TCF25: variants seen among roughly 807,000 people sequenced by gnomAD.
TCF25 encodes the protein TCF25 ribosome quality control complex subunit.
A neutral mutation model predicts 83.1 loss-of-function variants in TCF25; 41 were observed. That is an observed-to-expected ratio of 0.49 (90% CI 0.38 to 0.64). The LOEUF is 0.64. Among genes scored for constraint, TCF25 ranks in the 30% least tolerant of loss-of-function variants. The probability of loss-of-function intolerance (pLI) is 0.00; values close to 1 mark genes in which losing one functional copy is unlikely to be tolerated. For synonymous variants in TCF25, 458 were observed against 365.0 expected, an observed-to-expected ratio of 1.25 and a Z score of -2.90; for missense variants, 979 against 914.5, an observed-to-expected ratio of 1.07 and a Z score of -0.91.
At chr16:89,885,817 G>C in intron 3 of TCF25, 31 bp from the exon 4 acceptor site, 1 of 1,499,512 alleles carries the variant, frequency 6.7e-7, no homozygotes, top group South Asian at 1.1e-5. Context: ...ATGTCAGTGT[G>C]GTGATTAAGA....
intron 12 of TCF25, among the ~76,000 whole-genome samples, chr16:89,902,625 C>T (rs1235190148): frequency 6.8e-6 from 1 of 146,510 alleles, no homozygotes; most frequent in African/African-American, 2.5e-5. Context: ...GGAGGCAGAG[C>T]TTGCAGTGAG....
In TCF25 at chr16:89,900,649, G is replaced by A; in HGVS notation, c.1236G>A (p.Leu412=). 1 of 1,595,288 alleles carries A rather than the reference G, an allele frequency of 6.3e-7. No individual in the cohort carries two copies. Among genetic ancestry groups the A allele is most frequent in the African/African-American group, 1.3e-5 (1 of 74,756 alleles). The change falls in exon 12 of 18, where the codon CTG becomes CTA. Residue 412 remains leucine, a synonymous_variant. Transcript: ENST00000263346. ...LFQEWEAHRN[L]SQLPNFAFSV... ...GTCCCTCGTAGGCTCATCGGAACCT[G>A]TCCCAGCTCCCTAATTTTGCCTTCT...
In TCF25 at chr16:89,885,923, G is replaced by T. The variant is rs768566091; in HGVS notation, c.505G>T (p.Ala169Ser). ...CACTGGGTTGAACCGTCCCGGCCCA[G>T]CTCCCCTGAGCTCCAGGAAGCACGT... ...DSTGLNRPGP[A>S]PLSSRKHVLY... Residue 169 changes from alanine (A) to serine (S), a missense_variant, in exon 4 of 18, where the codon GCT (alanine) becomes TCT (serine). By Grantham distance (99) the Ala-to-Ser change is moderately conservative (BLOSUM62 1). Coordinates refer to ENST00000263346, the MANE Select transcript of TCF25 (RefSeq NM_014972.3). 6.2e-7 allele frequency: 1 copy of T among 1,613,836 alleles called. No individual in the cohort carries two copies.
intron 11 of TCF25, among the ~76,000 whole-genome samples, chr16:89,900,328 C>T (rs537127667): frequency 1.1e-4 from 15 of 139,230 alleles, no homozygotes; most frequent in Non-Finnish European, 2.1e-4. Context: ...ACATTGAGAG[C>T]ACCAACTGCT....
At chr16:89,903,604 A>G (rs534412860) in intron 12 of TCF25, among the ~76,000 whole-genome samples, 7 of 152,000 alleles carry the variant, frequency 4.6e-5, no homozygotes, top group Non-Finnish European at 1.0e-4. Context: ...TCAAGAGTTC[A>G]AGACCAGCCT....
rs144798392 is a variant in TCF25, at chr16:89,907,290, G to A, written c.1767G>A (p.Ser589=). The A allele has an allele frequency of 1.4e-5, 22 of 1,607,748 alleles. No homozygotes were observed. Among genetic ancestry groups the A allele is most frequent in the Middle Eastern group, 1.6e-4 (1 of 6,066 alleles). Residue 589 remains serine (S), a synonymous_variant, in exon 16 of 18, where the codon TCG becomes TCA. Coordinates refer to ENST00000263346, the MANE Select transcript of TCF25 (RefSeq NM_014972.3). ...TGGGGTTTGATCCTCTGCCTCCTTC[G>A]GACACAATCTACTCCTACGTCAGGC... ...SVMGFDPLPP[S]DTIYSYVRPE...
intron 11 of TCF25, among the ~76,000 whole-genome samples, chr16:89,899,936 T>C (rs1214984339): frequency 2.0e-5 from 3 of 152,146 alleles, no homozygotes; most frequent in African/African-American, 7.2e-5. Context: ...GTGGGTAAAT[T>C]ATTTTGAATT....
At chr16:89,895,550 T>C (rs1334201818) in intron 8 of TCF25, among the ~76,000 whole-genome samples, 1 of 152,230 alleles carries the variant, frequency 6.6e-6, no homozygotes, top group Non-Finnish European at 1.5e-5. Context: ...TCATCCTCAC[T>C]GTAGCGTCGA....
intron 1 of TCF25, among the ~76,000 whole-genome samples, chr16:89,876,927 T>TC (rs2042235857): frequency 1.5e-5 from 1 of 68,012 alleles, no homozygotes; most frequent in Non-Finnish European, 2.6e-5. Context: ...AGACTCCATC[T>TC]AAAAAAAAAA....
intron 1 of TCF25, chr16:89,878,486 CT>C: frequency 9.8e-6 from 12 of 1,228,378 alleles, no homozygotes; most frequent in Non-Finnish European, 1.2e-5. Flanking sequence ...TCCTCTCCCC[CT>C]AAAAAAAGAT....
intron 5 of TCF25, 56 bp from the exon 6 acceptor site, chr16:89,892,137 C>T: frequency 6.6e-7 from 1 of 1,505,412 alleles, no homozygotes; most frequent in South Asian, 1.3e-5. Flanking sequence ...GCAGCCAAGC[C>T]TTGGTCCCCA....
In TCF25 at chr16:89,900,227, G is replaced by A. The variant is rs576672546; in HGVS notation, c.1222-408G>A. Among the ~76,000 whole-genome samples, 235 of 151,130 alleles carry A rather than the reference G, an allele frequency of 1.6e-3. 2 individuals are homozygous for A. Among genetic ancestry groups the A allele is most frequent in the African/African-American group, 5.5e-3 (228 of 41,436 alleles). On this transcript the variant is annotated intron_variant, in intron 11 of 17. Coordinates refer to ENST00000263346, the MANE Select transcript of TCF25 (RefSeq NM_014972.3). ...ACGGTGGTAGACTGCTCGGAAACTC[G>A]CGTGGCGGGCTGCTCTCGGAAACTC...
chr16:89,908,550 CTTCCAGTTCCCACCTCTTTCCTCGCAGT>C (rs2045214543), intron 16 of TCF25, among the ~76,000 whole-genome samples: 2 of 137,142 alleles, frequency 1.5e-5, no homozygotes, highest in Non-Finnish European at 3.2e-5. Flanking sequence ...CTCCTCCCAC[CTTCCAGTTCCCACCTCTTTCCTCGCAGT>C]TCCCACCTCC....
chr16:89,892,738 A>AGTGT lies in TCF25; in HGVS notation c.697+464_697+467dup, dbSNP rs781404433. 2.2e-4 allele frequency among the ~76,000 whole-genome samples: 33 copies of AGTGT among 152,282 alleles called. No individual in the cohort carries two copies. In the Middle Eastern group the frequency reaches 0.014, roughly 63 times the overall value. ...ATTGCAACAGTGAAGACAGGCATGG[A>AGTGT]GTGTTGGGTGCTTGGTTGTGTGGTG... is the stretch of plus-strand genomic sequence containing the variant. On this transcript the variant is annotated intron_variant, in intron 6 of 17. Coordinates refer to ENST00000263346, the MANE Select transcript of TCF25 (RefSeq NM_014972.3).
Position 89,881,763 on chromosome 16 carries a change from T to G in TCF25, c.193-1588T>G, listed in dbSNP as rs748767101. Among the ~76,000 whole-genome samples the G allele has an allele frequency of 2.0e-5, 3 of 152,146 alleles. No individual in the cohort carries two copies. The East Asian group carries it at 5.8e-4, about 29-fold the overall frequency. On this transcript the variant is annotated intron_variant, in intron 1 of 17. Transcript: ENST00000263346. ...CCCAATCTGTTAGCCTCTTTTTTTT[T>G]TGTTTTCTTGAAATGGAATCTCGCC... is the stretch of plus-strand genomic sequence containing the variant.
At chr16:89,892,065 A>C (rs1597323936) in intron 5 of TCF25, 128 bp from the exon 6 acceptor site, 1 of 822,714 alleles carries the variant, frequency 1.2e-6, no homozygotes, top group East Asian at 3.1e-5. Context: ...ATGCGTCCCC[A>C]CCCTGCCCCA....
chr16:89,884,482 G>A lies in TCF25; in HGVS notation c.355-100G>A, dbSNP rs569404722. ...TTTTGGGACACGGAGGGAGAGGTAG[G>A]GGCTGCTTAGGTGAGGGTGGAGTCA... On this transcript the variant is annotated intron_variant, in intron 2 of 17. Transcript: ENST00000263346. 2.5e-4 allele frequency: 309 copies of A among 1,225,882 alleles called. 1 individual carries two copies. In the African/African-American group the frequency reaches 4.4e-3, roughly 17 times the overall value. The allele number at this position is 1,225,882 out of a possible 1,614,324, so 75.9% of individuals were successfully genotyped here.
At chr16:89,889,180 G>T (rs1195453705) in intron 5 of TCF25, 2 of 395,548 alleles carry the variant, frequency 5.1e-6, no homozygotes, top group Admixed American at 3.1e-5. Flanking sequence ...GTGTCCAGAA[G>T]GCTTTGTCTT....
At chr16:89,893,347 C>A (rs1301727359) in intron 6 of TCF25, among the ~76,000 whole-genome samples, 1 of 152,192 alleles carries the variant, frequency 6.6e-6, no homozygotes, top group African/African-American at 2.4e-5. Flanking sequence ...CTTCCACAGC[C>A]ACCCCGGACA....
Sources: gnomAD v4.1 joint callset for allele counts (sites outside exome capture counted in the v4.1 genomes callset) on GRCh38, gnomAD v4.1.1 for gene constraint, MANE v1.5 for transcripts, NCBI Gene and HGNC (gene_info 2026-07-23, HGNC 2026-07-21) for gene names.